ZNF611: variants seen among roughly 807,000 people sequenced by gnomAD.
The protein encoded by ZNF611 is zinc finger protein 611.
ZNF611 carries 6 observed loss-of-function variants against 8.9 expected under a neutral mutation model. The observed-to-expected ratio is 0.68, with a 90% CI of 0.37 to 1.34. The LOEUF (loss-of-function observed/expected upper bound fraction) is 1.34, where lower values mean the gene tolerates loss of function less well. Among genes scored for constraint, ZNF611 ranks in the 40% most tolerant of loss-of-function variants. The pLI, the probability that ZNF611 is intolerant of heterozygous loss-of-function variation, is 0.02. For synonymous variants in ZNF611, 262 were observed against 279.7 expected, an observed-to-expected ratio of 0.94 and a Z score of 0.63; for missense variants, 874 against 841.3, an observed-to-expected ratio of 1.04 and a Z score of -0.48.
At position 52,715,874 on chromosome 19, in the gene ZNF611, A is replaced by G. The variant is rs778388321; in HGVS notation, c.21T>C (p.Ala7=). ...CTGGCTCCTTTCCTTTCCTCTTCTGAGCTGCTTCCTCACGTAACATGAGTC... is the reference window on the plus strand; with the variant it reads ...CTGGCTCCTTTCCTTTCCTCTTCTGGGCTGCTTCCTCACGTAACATGAGTC... MLREEA[A]QKRKGKEPGM... is the part of the protein sequence containing the mutation. Residue 7 remains alanine, a synonymous_variant, in exon 4 of 6, where the codon GCT becomes GCC. Coordinates refer to ENST00000652185, the MANE Select transcript of ZNF611 (RefSeq NM_001161499.2). 5 of 1,613,388 alleles carry G rather than the reference A, an allele frequency of 3.1e-6. No homozygotes were observed. In the East Asian group the frequency reaches 1.1e-4, roughly 36 times the overall value.
intron 3 of ZNF611, among the ~76,000 whole-genome samples, chr19:52,726,718 TTG>T (rs1228485335): frequency 7.1e-6 from 1 of 140,638 alleles, no homozygotes; most frequent in Non-Finnish European, 1.5e-5. Context: ...ATGCTCGGCC[TTG>T]TGTTTTTTTT....
Position 52,715,877 on chromosome 19 carries a change from T to G in ZNF611, c.18A>C (p.Ala6=), listed in dbSNP as rs1203320611. 12 of 1,613,408 alleles carry G rather than the reference T, an allele frequency of 7.4e-6. No individual in the cohort carries two copies. The highest frequency in any genetic ancestry group is 1.7e-5 in the Admixed American group (1 of 59,986). Residue 6 remains alanine (A), a synonymous_variant, in exon 4 of 6, where the codon GCA becomes GCC. Coordinates refer to ENST00000652185, the MANE Select transcript of ZNF611 (RefSeq NM_001161499.2). MLREE[A]AQKRKGKEPG... ...GCTCCTTTCCTTTCCTCTTCTGAGC[T>G]GCTTCCTCACGTAACATGAGTCTTT... is the stretch of plus-strand genomic sequence containing the variant.
chr19:52,724,244 T>A (rs1485451421), intron 3 of ZNF611: 1 of 152,210 alleles, frequency 6.6e-6, no homozygotes, highest in Non-Finnish European at 1.5e-5. Flanking sequence ...CAGAGGTCCC[T>A]GCGGCCTTCC....
chr19:52,732,342 CTG>C (rs1254772676), intron 1 of ZNF611, among the ~76,000 whole-genome samples: 10 of 135,828 alleles, frequency 7.4e-5, no homozygotes, highest in African/African-American at 1.1e-4. Flanking sequence ...TTGAGTTATT[CTG>C]AATAACTCAC....
intron 3 of ZNF611, among the ~76,000 whole-genome samples, chr19:52,722,100 C>T (rs947877011): frequency 6.6e-6 from 1 of 151,676 alleles, no homozygotes; most frequent in Non-Finnish European, 1.5e-5. Context: ...GGTGGCTCAT[C>T]CCTATAATCC....
In ZNF611 at chr19:52,704,116, G is replaced by C; in HGVS notation, c.*821C>G. 1 of 302,460 alleles carries C rather than the reference G, an allele frequency of 3.3e-6. No homozygotes were observed. The highest frequency in any genetic ancestry group is 3.0e-5 in the South Asian group (1 of 33,220). The allele number at this position is 302,460 out of a possible 1,614,324, so 18.7% of individuals were successfully genotyped here. A position where few individuals can be genotyped will look rare whatever the true frequency, so the allele number is the denominator to read the frequency against. On this transcript the variant is annotated 3_prime_UTR_variant, in exon 6 of 6. Transcript: ENST00000652185. ...CCCGACGTGCTGGGATTACAGGTCG[G>C]AGCCACCACACCTGGCCCCATCCTC... is the stretch of plus-strand genomic sequence containing the variant.
At chr19:52,734,664 G>A (rs2062446787) in intron 1 of ZNF611, among the ~76,000 whole-genome samples, 1 of 152,248 alleles carries the variant, frequency 6.6e-6, no homozygotes. Context: ...AGGAGGGGGA[G>A]GCTGGGAGGC....
At chr19:52,721,449 C>T (rs78996783) in intron 3 of ZNF611, among the ~76,000 whole-genome samples, 11,324 of 152,200 alleles carry the variant, frequency 0.074, 1,080 homozygotes, top group African/African-American at 0.23. Flanking sequence ...GAGGCCAAGG[C>T]GGGCAAATCA....
At position 52,706,004 on chromosome 19, in the gene ZNF611, C is replaced by G; in HGVS notation, c.1051G>C (p.Ala351Pro). 1 of 1,614,090 alleles carries G rather than the reference C, an allele frequency of 6.2e-7. No individual in the cohort carries two copies. The highest frequency in any genetic ancestry group is 8.5e-7 in the Non-Finnish European group (1 of 1,180,030). The change falls in exon 6 of 6, where the codon GCT (alanine) becomes CCT (proline). Residue 351 changes from alanine (A) to proline (P), a missense_variant. Ala to Pro is a conservative substitution (Grantham distance 27). Coordinates refer to ENST00000652185, the MANE Select transcript of ZNF611 (RefSeq NM_001161499.2). ...NPYKCNECDKAFNQQSQLSHH... is the reference protein window; with the variant it reads ...NPYKCNECDKPFNQQSQLSHH... ...GAAAGTTGTGATTGTTGATTAAAAG[C>G]CTTGTCACATTCATTACACTTGTAA...
At chr19:52,725,084 C>G (rs2062383090) in intron 3 of ZNF611, among the ~76,000 whole-genome samples, 1 of 152,126 alleles carries the variant, frequency 6.6e-6, no homozygotes, top group Non-Finnish European at 1.5e-5. Flanking sequence ...CAAACAATCA[C>G]ACGCGGGTTT....
intron 1 of ZNF611, among the ~76,000 whole-genome samples, chr19:52,732,418 TTATTCTGAATAACTCACAG>T (rs1568611518): frequency 5.5e-5 from 7 of 128,440 alleles, no homozygotes; most frequent in African/African-American, 1.6e-4. Flanking sequence ...CAGTATTGAG[TTATTCTGAATAACTCACAG>T]TATTGAGTTA....
intron 3 of ZNF611, among the ~76,000 whole-genome samples, chr19:52,720,353 C>T (rs531014503): frequency 6.6e-6 from 1 of 152,140 alleles, no homozygotes; most frequent in Admixed American, 6.5e-5. Flanking sequence ...GCGCCCCCCA[C>T]CTCCCCGACG....
intron 5 of ZNF611, among the ~76,000 whole-genome samples, chr19:52,712,889 G>C (rs1486105968): frequency 6.6e-6 from 1 of 152,154 alleles, no homozygotes; most frequent in Non-Finnish European, 1.5e-5. Flanking sequence ...ATATTATTCA[G>C]CCTTAAAAAC....
chr19:52,734,495 T>G (rs1568612430), intron 1 of ZNF611, among the ~76,000 whole-genome samples: 1 of 132,408 alleles, frequency 7.6e-6, no homozygotes, highest in African/African-American at 2.8e-5. Flanking sequence ...AGGGGAGACC[T>G]GGGGAGCAGC....
intron 2 of ZNF611, among the ~76,000 whole-genome samples, chr19:52,729,510 A>G (rs1035918336): frequency 1.3e-5 from 2 of 148,852 alleles, no homozygotes; most frequent in Non-Finnish European, 3.0e-5. Flanking sequence ...AAAAAAAAAA[A>G]AAAAAAAAGA....
intron 1 of ZNF611, among the ~76,000 whole-genome samples, chr19:52,731,649 G>C (rs2062426308): frequency 1.3e-5 from 2 of 151,860 alleles, no homozygotes; most frequent in South Asian, 4.2e-4. Flanking sequence ...TTACAGGCTT[G>C]AGCCACCGTG....
At chr19:52,715,737 A>G in intron 4 of ZNF611, 95 bp downstream of exon 4, 1 of 1,572,822 alleles carries the variant, frequency 6.4e-7, no homozygotes, top group Non-Finnish European at 8.6e-7. Context: ...CGTGTCAGAC[A>G]AGATGCTTCA....
intron 3 of ZNF611, chr19:52,717,788 G>T: frequency 1.5e-6 from 1 of 684,618 alleles, no homozygotes; most frequent in Non-Finnish European, 1.8e-6. Context: ...GAAAGAAAAT[G>T]GAATAGGCTA....
At chr19:52,711,941 C>G (rs113939006) in intron 5 of ZNF611, among the ~76,000 whole-genome samples, 14,095 of 151,342 alleles carry the variant, frequency 0.093, 1,694 homozygotes, top group African/African-American at 0.29. Context: ...GTGCATGCAC[C>G]TCTGTGGGAA....
Sources: gnomAD v4.1 joint callset for allele counts (sites outside exome capture counted in the v4.1 genomes callset) on GRCh38, gnomAD v4.1.1 for gene constraint, MANE v1.5 for transcripts, NCBI Gene and HGNC (gene_info 2026-07-23, HGNC 2026-07-21) for gene names.